VPS13B: variants seen among roughly 807,000 people sequenced by gnomAD.
VPS13B encodes intermembrane lipid transfer protein VPS13B.
A neutral mutation model predicts 426.4 loss-of-function variants in VPS13B; 285 were observed. That is an observed-to-expected ratio of 0.67 (90% CI 0.61 to 0.74). The LOEUF is 0.74. Ranked by LOEUF, VPS13B falls within the 30% of genes least tolerant of loss-of-function variation. VPS13B has a pLI of 0.00. For synonymous variants in VPS13B, 1,676 were observed against 1,676.4 expected, an observed-to-expected ratio of 1.00 and a Z score of 0.01; for missense variants, 4,537 against 4,782.6, an observed-to-expected ratio of 0.95 and a Z score of 1.51.
At chr8:99,263,127 G>A (rs983188561) in intron 17 of VPS13B, among the ~76,000 whole-genome samples, 3 of 152,068 alleles carry the variant, frequency 2.0e-5, no homozygotes, top group Non-Finnish European at 2.9e-5. Context: ...AACAAAAAGA[G>A]CAGTCTTCTG....
At chr8:99,829,396 T>A (rs543464700) in intron 51 of VPS13B, among the ~76,000 whole-genome samples, 7 of 152,230 alleles carry the variant, frequency 4.6e-5, no homozygotes, top group Admixed American at 4.6e-4. Context: ...CGGCTATTGA[T>A]ACTTGTGTAT....
chr8:99,612,352 A>G (rs1406256159), intron 33 of VPS13B, among the ~76,000 whole-genome samples: 1 of 152,214 alleles, frequency 6.6e-6, no homozygotes, highest in African/African-American at 2.4e-5. Flanking sequence ...TTCTTGGTAC[A>G]CAAAAGTACT....
At chr8:99,853,414 G>A (rs1433690868) in intron 55 of VPS13B, 37 bp from the exon 56 acceptor site, 1 of 1,605,464 alleles carries the variant, frequency 6.2e-7, no homozygotes, top group African/African-American at 1.3e-5. Flanking sequence ...GAAAAGGTGA[G>A]TGGGGGGACT....
intron 29 of VPS13B, among the ~76,000 whole-genome samples, chr8:99,518,145 C>T (rs904710793): frequency 1.3e-5 from 2 of 151,986 alleles, no homozygotes; most frequent in Non-Finnish European, 2.9e-5. Context: ...GTCATTTCTC[C>T]TCCATATTTA....
At chr8:99,798,226 C>CAA (rs34155215) in intron 43 of VPS13B, among the ~76,000 whole-genome samples, 54 of 84,954 alleles carry the variant, frequency 6.4e-4, no homozygotes, top group Middle Eastern at 6.3e-3. Flanking sequence ...TTGAAATAGC[C>CAA]AAAAAAAAAA....
intron 21 of VPS13B, among the ~76,000 whole-genome samples, chr8:99,428,370 A>C (rs761801673): frequency 5.9e-5 from 9 of 152,248 alleles, no homozygotes; most frequent in Middle Eastern, 6.8e-3. Flanking sequence ...ATGGAAGAAA[A>C]TTTTTGCAAT....
At chr8:99,534,305 A>G (rs1366621053) in intron 30 of VPS13B, among the ~76,000 whole-genome samples, 2 of 152,204 alleles carry the variant, frequency 1.3e-5, no homozygotes, top group Non-Finnish European at 2.9e-5. Flanking sequence ...TACCTCAACA[A>G]CAGTGTTGAA....
intron 44 of VPS13B, among the ~76,000 whole-genome samples, chr8:99,811,577 C>T (rs1813700719): frequency 6.6e-6 from 1 of 152,188 alleles, no homozygotes; most frequent in Non-Finnish European, 1.5e-5. Context: ...ACTACTATAG[C>T]TCCAGTCTAA....
chr8:99,112,440 A>G (rs950595049), intron 6 of VPS13B, among the ~76,000 whole-genome samples: 20 of 152,192 alleles, frequency 1.3e-4, no homozygotes, highest in African/African-American at 4.6e-4. Context: ...TGTACTTAAT[A>G]TGTAAAATCT....
chr8:99,700,567 G>A (rs748957505), intron 36 of VPS13B, among the ~76,000 whole-genome samples: 5 of 152,214 alleles, frequency 3.3e-5, no homozygotes, highest in African/African-American at 7.2e-5. Context: ...ACCTGGCAAC[G>A]AAAAGCTGTG....
intron 33 of VPS13B, among the ~76,000 whole-genome samples, chr8:99,578,742 AAATT>A (rs2133814055): frequency 6.6e-6 from 1 of 152,312 alleles, no homozygotes; most frequent in African/African-American, 2.4e-5. Flanking sequence ...GGATAAAAGT[AAATT>A]ACATTCCTAT....
rs1008041460 is a variant in VPS13B, at chr8:99,041,855, A to G, written c.291+3289A>G. Among the ~76,000 whole-genome samples, 7 of 148,362 alleles carry G rather than the reference A, an allele frequency of 4.7e-5. No homozygotes were observed. The East Asian group carries it at 9.7e-4, about 21-fold the overall frequency. On this transcript the variant is annotated intron_variant, in intron 3 of 61. Coordinates refer to ENST00000357162, the MANE Select transcript of VPS13B (RefSeq NM_152564.5). Reference sequence around the variant, plus strand: ...GCGACAGAGCGAGACTCTGTCTCCAAAAAAAAAAAAAAAACTTCTTCAACC... The same window carrying G: ...GCGACAGAGCGAGACTCTGTCTCCAGAAAAAAAAAAAAAACTTCTTCAACC...
At chr8:99,354,935 A>T (rs1327023116) in intron 19 of VPS13B, among the ~76,000 whole-genome samples, 1 of 152,200 alleles carries the variant, frequency 6.6e-6, no homozygotes, top group Non-Finnish European at 1.5e-5. Flanking sequence ...AGAAAAATAA[A>T]TGATATAAAA....
At chr8:99,766,576 C>T (rs1811239183) in intron 39 of VPS13B, among the ~76,000 whole-genome samples, 198 bp from the exon 40 acceptor site, 1 of 151,894 alleles carries the variant, frequency 6.6e-6, no homozygotes, top group South Asian at 2.1e-4. Context: ...ATATATTATT[C>T]TTGAATTGGT....
At chr8:99,487,082 C>T (rs1044088725) in intron 25 of VPS13B, among the ~76,000 whole-genome samples, 1 of 148,336 alleles carries the variant, frequency 6.7e-6, no homozygotes, top group Non-Finnish European at 1.5e-5. Flanking sequence ...TGTCTCCTGC[C>T]ACTGTTTCTC....
chr8:99,378,099 C>T (rs1456284038), intron 19 of VPS13B, among the ~76,000 whole-genome samples: 2 of 142,658 alleles, frequency 1.4e-5, no homozygotes, highest in African/African-American at 5.2e-5. Context: ...CCTGCAACTG[C>T]ATAAGGCGGA....
At chr8:99,402,519 A>G (rs1275037411) in intron 21 of VPS13B, among the ~76,000 whole-genome samples, 1 of 152,164 alleles carries the variant, frequency 6.6e-6, no homozygotes, top group Non-Finnish European at 1.5e-5. Flanking sequence ...ACTACAAGTG[A>G]AAAAAGGAGG....
chr8:99,280,245 A>G (rs1159987567), intron 19 of VPS13B, among the ~76,000 whole-genome samples: 1 of 151,622 alleles, frequency 6.6e-6, no homozygotes, highest in Non-Finnish European at 1.5e-5. Flanking sequence ...ATACCTGTTT[A>G]TTTCCAGCTC....
intron 34 of VPS13B, among the ~76,000 whole-genome samples, chr8:99,648,398 G>T (rs954606021): frequency 1.8e-4 from 27 of 152,206 alleles, no homozygotes; most frequent in African/African-American, 6.3e-4. Flanking sequence ...AGTTGTATGT[G>T]ATGGCTTAAG....
Sources: allele counts gnomAD v4.1 joint callset (sites outside exome capture counted in the v4.1 genomes callset), GRCh38; gene constraint gnomAD v4.1.1; transcripts MANE v1.5; gene names NCBI Gene and HGNC (gene_info 2026-07-23, HGNC 2026-07-21).